The following DGKB variants were observed in gnomAD, a reference collection of about 807,000 sequenced individuals.
The protein encoded by DGKB is diacylglycerol kinase beta.
A neutral mutation model predicts 114.3 loss-of-function variants in DGKB; 67 were observed. That is an observed-to-expected ratio of 0.59 (90% CI 0.48 to 0.72). The LOEUF (loss-of-function observed/expected upper bound fraction) is 0.72, where lower values mean the gene tolerates loss of function less well. Ranked by LOEUF, DGKB falls within the 30% of genes least tolerant of loss-of-function variation. The pLI, the probability that DGKB is intolerant of heterozygous loss-of-function variation, is 0.00. For synonymous variants in DGKB, 398 were observed against 323.1 expected (o/e 1.23, Z -2.49); for missense variants, 907 against 975.2 (o/e 0.93, Z 0.93).
At chr7:14,340,546 T>C (rs570419027) in intron 22 of DGKB, among the ~76,000 whole-genome samples, 1 of 151,610 alleles carries the variant, frequency 6.6e-6, no homozygotes, top group African/African-American at 2.4e-5. Flanking sequence ...TTCCTTATAA[T>C]TTGCAGCCTA....
At chr7:14,921,511 T>A (rs1374547438) in intron 1 of DGKB, among the ~76,000 whole-genome samples, 7 of 152,160 alleles carry the variant, frequency 4.6e-5, no homozygotes, top group African/African-American at 1.7e-4. Flanking sequence ...TCACAGTGGT[T>A]CTCCACCAAG....
chr7:14,942,632 G>T (rs963206526), intron 1 of DGKB, among the ~76,000 whole-genome samples: 2 of 151,762 alleles, frequency 1.3e-5, no homozygotes, highest in African/African-American at 4.8e-5. Flanking sequence ...AGTTTAAAGC[G>T]CTCCGGCTCA....
chr7:14,463,442 C>CA (rs141906289), intron 21 of DGKB, among the ~76,000 whole-genome samples: 2,150 of 152,242 alleles, frequency 0.014, 53 homozygotes, highest in African/African-American at 0.047. Context: ...AGGTTTTATG[C>CA]AAAACCTTCC....
chr7:14,713,156 G>T (rs1585896681), intron 6 of DGKB, among the ~76,000 whole-genome samples: 1 of 152,160 alleles, frequency 6.6e-6, no homozygotes, highest in African/African-American at 2.4e-5. Flanking sequence ...GGCATATTAT[G>T]CAAGATAATT....
intron 23 of DGKB, among the ~76,000 whole-genome samples, chr7:14,322,079 T>G (rs540382624): frequency 6.6e-6 from 1 of 152,340 alleles, no homozygotes; most frequent in South Asian, 2.1e-4. Context: ...GCGTAAGGAC[T>G]GATGAATCGA....
chr7:14,680,338 A>T (rs1044073042), intron 12 of DGKB, among the ~76,000 whole-genome samples: 1 of 152,034 alleles, frequency 6.6e-6, no homozygotes, highest in Non-Finnish European at 1.5e-5. Flanking sequence ...TTAGTGTAAG[A>T]ATAAAATGTT....
intron 20 of DGKB, among the ~76,000 whole-genome samples, chr7:14,509,365 G>C (rs770742314): frequency 1.3e-5 from 2 of 152,160 alleles, no homozygotes; most frequent in South Asian, 4.1e-4. Context: ...TTTATGCCCG[G>C]AGAGAATAAC....
intron 17 of DGKB, among the ~76,000 whole-genome samples, chr7:14,601,625 G>A (rs1358141408): frequency 6.6e-6 from 1 of 152,106 alleles, no homozygotes; most frequent in Non-Finnish European, 1.5e-5. Context: ...GTCAAGGGAA[G>A]CCATGCCACA....
intron 25 of DGKB, among the ~76,000 whole-genome samples, chr7:14,160,153 C>A (rs971307558): frequency 6.6e-6 from 1 of 152,052 alleles, no homozygotes; most frequent in African/African-American, 2.4e-5. Context: ...TTATGACAAA[C>A]CCACAGCCAA....
intron 1 of DGKB, among the ~76,000 whole-genome samples, chr7:14,852,741 C>G (rs965635837): frequency 3.3e-5 from 5 of 152,102 alleles, no homozygotes; most frequent in Non-Finnish European, 7.4e-5. Flanking sequence ...GAATGGCTTT[C>G]TCAATCTATC....
chr7:14,720,147 A>T (rs1360948776), intron 5 of DGKB, among the ~76,000 whole-genome samples: 1 of 151,988 alleles, frequency 6.6e-6, no homozygotes, highest in Non-Finnish European at 1.5e-5. Context: ...ATAATTGCCC[A>T]AATATTTTCT....
intron 12 of DGKB, among the ~76,000 whole-genome samples, chr7:14,682,298 C>T (rs1223894232): frequency 6.6e-6 from 1 of 152,048 alleles, no homozygotes; most frequent in Non-Finnish European, 1.5e-5. Context: ...TCTAACACTC[C>T]ATGGAACACA....
At chr7:14,502,192 G>C (rs111968095) in intron 20 of DGKB, among the ~76,000 whole-genome samples, 15 of 151,984 alleles carry the variant, frequency 9.9e-5, no homozygotes, top group Admixed American at 3.9e-4. Flanking sequence ...CTCTTGGAAA[G>C]CTTGTTTTGG....
intron 2 of DGKB, among the ~76,000 whole-genome samples, chr7:14,820,245 GT>G (rs1562622289): frequency 6.6e-6 from 1 of 151,954 alleles, no homozygotes; most frequent in East Asian, 1.9e-4. Flanking sequence ...TTAAATTCAT[GT>G]TTTTTAAAAA....
At chr7:14,969,105 A>G (rs1787320665) in intron 1 of DGKB, among the ~76,000 whole-genome samples, 1 of 152,214 alleles carries the variant, frequency 6.6e-6, no homozygotes, top group African/African-American at 2.4e-5. Flanking sequence ...GATTATGGTG[A>G]TATCAGAGAA....
intron 6 of DGKB, among the ~76,000 whole-genome samples, chr7:14,714,904 C>G (rs1827948367): frequency 6.6e-6 from 1 of 152,108 alleles, no homozygotes; most frequent in Non-Finnish European, 1.5e-5. Context: ...GTAAAGTGGG[C>G]AAGAGTAAAA....
At chr7:14,684,733 G>C (rs1293399456) in intron 10 of DGKB, among the ~76,000 whole-genome samples, 1 of 152,096 alleles carries the variant, frequency 6.6e-6, no homozygotes, top group East Asian at 1.9e-4. Context: ...CTTTCTGTTA[G>C]CATTGAAAAT....
chr7:14,351,828 A>T (rs188663527), intron 21 of DGKB, among the ~76,000 whole-genome samples: 2 of 152,340 alleles, frequency 1.3e-5, no homozygotes, highest in South Asian at 2.1e-4. Flanking sequence ...GAAATTCTAC[A>T]CATGTTATAG....
At chr7:14,754,807 A>C (rs1315706591) in intron 3 of DGKB, among the ~76,000 whole-genome samples, 1 of 152,182 alleles carries the variant, frequency 6.6e-6, no homozygotes, top group Non-Finnish European at 1.5e-5. Flanking sequence ...TGAGTCATTA[A>C]TATGTATGTG....
Sources: allele counts gnomAD v4.1 joint callset (sites outside exome capture counted in the v4.1 genomes callset), GRCh38; gene constraint gnomAD v4.1.1; transcripts MANE v1.5; gene names NCBI Gene and HGNC (gene_info 2026-07-23, HGNC 2026-07-21).